Variants in C7 observed in about 807,000 individuals in gnomAD.
The protein encoded by C7 is complement component C7.
C7 carries 83 observed loss-of-function variants against 104.8 expected under a neutral mutation model. The ratio of observed to expected loss-of-function variants is 0.79; its 90% confidence interval spans 0.66 to 0.95. The LOEUF is 0.95. Ranked by LOEUF, C7 falls within the 40% of genes least tolerant of loss-of-function variation. C7 has a pLI of 0.00. For synonymous variants in C7, 415 were observed against 360.6 expected, an observed-to-expected ratio of 1.15 and a Z score of -1.71; for missense variants, 1,070 against 1,011.2, an observed-to-expected ratio of 1.06 and a Z score of -0.79.
intron 9 of C7, among the ~76,000 whole-genome samples, chr5:40,953,695 C>G (rs1388793456): frequency 2.0e-5 from 3 of 148,204 alleles, no homozygotes; most frequent in Non-Finnish European, 4.5e-5. Context: ...AGTCAGGTGG[C>G]TATAGTTAAC....
chr5:40,979,623 A>C, intron 16 of C7, 102 bp from the exon 17 acceptor site: 2 of 791,494 alleles, frequency 2.5e-6, no homozygotes, highest in Non-Finnish European at 3.6e-6. Flanking sequence ...TGTGGGTGAT[A>C]ACATCTGGGG....
Position 40,956,237 on chromosome 5 carries a change from G to A in C7, c.1260+684G>A, listed in dbSNP as rs59029835. Among the ~76,000 whole-genome samples, 1,378 of 152,284 alleles carry A rather than the reference G, an allele frequency of 9.0e-3. 17 individuals carry two copies. The highest frequency in any genetic ancestry group is 0.032 in the African/African-American group (1,324 of 41,548). On this transcript the variant is annotated intron_variant, in intron 10 of 17. Coordinates refer to ENST00000313164, the MANE Select transcript of C7 (RefSeq NM_000587.4). ...ATGTATCTATACTACAATAAGTGTG[G>A]TGCATTACCTAGAAAAAGACCTGAA...
intron 1 of C7, among the ~76,000 whole-genome samples, chr5:40,913,782 C>T (rs1739259886): frequency 6.6e-6 from 1 of 152,104 alleles, no homozygotes; most frequent in Non-Finnish European, 1.5e-5. Flanking sequence ...TGGGTTCAAG[C>T]GATTCTCCTG....
At position 40,983,953 on chromosome 5, in the gene C7, A is replaced by G. The variant is rs531709666; in HGVS notation, c.*2380A>G. 2.0e-5 allele frequency among the ~76,000 whole-genome samples: 3 copies of G among 152,140 alleles called. No homozygotes were observed. Among genetic ancestry groups the G allele is most frequent in the Non-Finnish European group, 2.9e-5 (2 of 68,022 alleles). Reference sequence around the variant, plus strand: ...GTCATTTGGCCCTCAGAAGGAACAGACAAAGAGAAGGAAATTGGCTGGTGC... The same window carrying G: ...GTCATTTGGCCCTCAGAAGGAACAGGCAAAGAGAAGGAAATTGGCTGGTGC... On this transcript the variant is annotated 3_prime_UTR_variant, in exon 18 of 18. Coordinates refer to ENST00000313164, the MANE Select transcript of C7 (RefSeq NM_000587.4).
chr5:40,915,631 T>G (rs1417178937), intron 1 of C7, among the ~76,000 whole-genome samples: 1 of 152,144 alleles, frequency 6.6e-6, no homozygotes, highest in Non-Finnish European at 1.5e-5. Context: ...CTTAAAAACT[T>G]ATACGATCCA....
At chr5:40,965,648 A>ATATTTT (rs35802990) in intron 14 of C7, among the ~76,000 whole-genome samples, 272 of 130,296 alleles carry the variant, frequency 2.1e-3, no homozygotes, top group African/African-American at 3.9e-3. Context: ...ATATATATAT[A>ATATTTT]TTTTTTTTTT....
At chr5:40,974,148 C>T (rs903623413) in intron 15 of C7, among the ~76,000 whole-genome samples, 25 of 152,092 alleles carry the variant, frequency 1.6e-4, no homozygotes, top group African/African-American at 6.0e-4. Flanking sequence ...GTGCAACCAT[C>T]ACCACATTTT....
At chr5:40,912,647 C>A (rs1739232628) in intron 1 of C7, among the ~76,000 whole-genome samples, 1 of 152,146 alleles carries the variant, frequency 6.6e-6, no homozygotes. Context: ...GCATGAGCCA[C>A]CAAACCTGGC....
At position 40,947,645 on chromosome 5, in the gene C7, A is replaced by G; in HGVS notation, c.782A>G (p.Gln261Arg). The change falls in exon 8 of 18, where the codon CAG becomes CGG. Residue 261 changes from glutamine (Q) to arginine (R), a missense_variant. Transcript: ENST00000313164. ...GTTGAGAACACTGTTGAAGTGGCTC[A>G]GTTCATTAATAACAATCCAGAATTT... is the stretch of plus-strand genomic sequence containing the variant. ...LVVENTVEVAQFINNNPEFLQ... is the reference protein window; with the variant it reads ...LVVENTVEVARFINNNPEFLQ... 1.2e-6 allele frequency: 2 copies of G among 1,613,482 alleles called. No homozygotes were observed. Among genetic ancestry groups the G allele is most frequent in the Non-Finnish European group, 1.7e-6 (2 of 1,179,628 alleles).
chr5:40,939,977 A>G (rs1739900294), intron 6 of C7, among the ~76,000 whole-genome samples: 1 of 152,194 alleles, frequency 6.6e-6, no homozygotes, highest in South Asian at 2.1e-4. Flanking sequence ...TGAGGAACAG[A>G]GATGTTTTGA....
At chr5:40,974,078 A>G (rs1434014051) in intron 15 of C7, among the ~76,000 whole-genome samples, 1 of 143,698 alleles carries the variant, frequency 7.0e-6, no homozygotes, top group African/African-American at 2.7e-5. Context: ...ATAACATAAC[A>G]TTTACCATTT....
At chr5:40,973,207 G>A (rs1003495246) in intron 15 of C7, among the ~76,000 whole-genome samples, 2 of 152,112 alleles carry the variant, frequency 1.3e-5, no homozygotes, top group African/African-American at 4.8e-5. Flanking sequence ...GATTTAGAAA[G>A]CCAAATTATT....
chr5:40,916,155 C>A (rs901157581), intron 1 of C7, among the ~76,000 whole-genome samples: 5 of 151,456 alleles, frequency 3.3e-5, no homozygotes, highest in African/African-American at 1.2e-4. Context: ...AATTTGACAA[C>A]CAGAAATAAA....
intron 13 of C7, among the ~76,000 whole-genome samples, chr5:40,964,019 A>ATTTTTTT: frequency 4.6e-5 from 4 of 87,656 alleles, no homozygotes; most frequent in African/African-American, 6.9e-5. Flanking sequence ...AGCTCATAAT[A>ATTTTTTT]CTTTTTTTTT....
chr5:40,954,888 A>AAAAAAAG, intron 9 of C7: 9 of 291,444 alleles, frequency 3.1e-5, no homozygotes, highest in Non-Finnish European at 5.3e-5. Context: ...AAAAAAAAAA[A>AAAAAAAG]AAAAAAAAAA....
At chr5:40,969,014 G>A (rs190509108) in intron 14 of C7, among the ~76,000 whole-genome samples, 408 of 152,122 alleles carry the variant, frequency 2.7e-3, no homozygotes, top group Non-Finnish European at 4.5e-3. Context: ...ACAAAAAACT[G>A]ACTAGAAAGT....
Position 40,920,350 on chromosome 5 carries a change from G to A in C7, c.7-8230G>A, listed in dbSNP as rs532504799. The stretch of plus-strand genomic sequence containing the variant: ...GTTACATTGCAATCCATCAGATCCT[G>A]TGGATCTGAAGAAAGAGATGGGTTG... On this transcript the variant is annotated intron_variant, in intron 1 of 17. Transcript: ENST00000313164. 2.6e-5 allele frequency among the ~76,000 whole-genome samples: 4 copies of A among 152,100 alleles called. No homozygotes were observed. The East Asian group carries it at 7.7e-4, about 29-fold the overall frequency.
chr5:40,941,027 G>T (rs1208747344), intron 6 of C7, among the ~76,000 whole-genome samples: 1 of 149,430 alleles, frequency 6.7e-6, no homozygotes, highest in Non-Finnish European at 1.5e-5. Context: ...GAGAGAGAGA[G>T]AAAATGAAAA....
At chr5:40,977,072 C>G (rs971593984) in intron 16 of C7, among the ~76,000 whole-genome samples, 3 of 152,162 alleles carry the variant, frequency 2.0e-5, no homozygotes, top group African/African-American at 7.2e-5. Context: ...TGCAGGACTA[C>G]TCGAGCACTG....
Sources: allele counts gnomAD v4.1 joint callset (sites outside exome capture counted in the v4.1 genomes callset), GRCh38; gene constraint gnomAD v4.1.1; transcripts MANE v1.5; gene names NCBI Gene and HGNC (gene_info 2026-07-23, HGNC 2026-07-21).